Variants in CSMD1 observed in about 807,000 individuals in gnomAD.
CSMD1 encodes CUB and Sushi multiple domains 1, also known as CUB and sushi domain-containing protein 1.
Under a neutral mutation model 417.5 loss-of-function variants are expected in CSMD1, and 213 were observed. The observed-to-expected ratio is 0.51, with a 90% confidence interval of 0.46 to 0.57. CSMD1 has a LOEUF of 0.57. Among genes scored for constraint, CSMD1 ranks in the 20% least tolerant of loss-of-function variants. The pLI is 0.00. For missense variants in CSMD1, 6,923 were observed against 4,529.7 expected (o/e 1.53, Z -15.17); for synonymous variants, 2,862 against 1,736.8 (o/e 1.65, Z -16.11).
At chr8:3,091,953 ATTG>A (rs968694655) in intron 47 of CSMD1, among the ~76,000 whole-genome samples, 2 of 152,194 alleles carry the variant, frequency 1.3e-5, no homozygotes, top group Admixed American at 1.3e-4. Flanking sequence ...AGTAATATGT[ATTG>A]TTGTTAGTAT....
chr8:4,905,958 T>G (rs558227093), intron 1 of CSMD1, among the ~76,000 whole-genome samples: 2 of 152,190 alleles, frequency 1.3e-5, no homozygotes, highest in Non-Finnish European at 2.9e-5. Flanking sequence ...CCCCATTCAT[T>G]CTTCCTGCCT....
At chr8:4,930,705 G>C (rs1469763980) in intron 1 of CSMD1, among the ~76,000 whole-genome samples, 1 of 152,082 alleles carries the variant, frequency 6.6e-6, no homozygotes, top group African/African-American at 2.4e-5. Context: ...TTATATTGTG[G>C]ATAATACCAT....
Position 4,097,674 on chromosome 8 carries a change from A to G in CSMD1, c.416-65575T>C, listed in dbSNP as rs1371356888. 2.6e-5 allele frequency among the ~76,000 whole-genome samples: 4 copies of G among 152,212 alleles called. No homozygotes were observed. The South Asian group carries it at 8.3e-4, about 32-fold the overall frequency. On this transcript the variant is annotated intron_variant, in intron 3 of 69. Transcript: ENST00000635120. ...ACTTTAAAAGATGTTCTTGTTTAAGACAGTGAATTTTAGCCCTTGGAATTC... is the reference window on the plus strand; with the variant it reads ...ACTTTAAAAGATGTTCTTGTTTAAGGCAGTGAATTTTAGCCCTTGGAATTC...
intron 3 of CSMD1, among the ~76,000 whole-genome samples, chr8:4,399,496 A>C (rs1253380236): frequency 1.3e-5 from 2 of 152,160 alleles, no homozygotes; most frequent in African/African-American, 4.8e-5. Context: ...GCTTAAGTTC[A>C]ATGTCCTTAG....
rs559122971 is a variant in CSMD1, at chr8:3,255,171, G to C, written c.4154-24940C>G. On this transcript the variant is annotated intron_variant, in intron 26 of 69. Coordinates refer to ENST00000635120, the MANE Select transcript of CSMD1 (RefSeq NM_033225.6). ...ATTTGCCTGGGTATCAGTAGCAGAG[G>C]CTGCAGAGCAGTGGATATTGGTGAA... is the stretch of plus-strand genomic sequence containing the variant. Among the ~76,000 whole-genome samples, 7 of 152,302 alleles carry C rather than the reference G, an allele frequency of 4.6e-5. No homozygotes were observed. The East Asian group carries it at 1.4e-3, about 29-fold the overall frequency.
chr8:3,404,351 AAAAAAT>A (rs1395416702), intron 15 of CSMD1, among the ~76,000 whole-genome samples: 3 of 102,222 alleles, frequency 2.9e-5, no homozygotes, highest in African/African-American at 3.5e-5. Context: ...AAAAAAAAAA[AAAAAAT>A]TGCGTTTCTA....
chr8:4,778,883 C>A (rs1308636397), intron 1 of CSMD1, among the ~76,000 whole-genome samples: 1 of 152,060 alleles, frequency 6.6e-6, no homozygotes, highest in Non-Finnish European at 1.5e-5. Flanking sequence ...GTAGTTAGGA[C>A]AAAAGAATAA....
intron 3 of CSMD1, among the ~76,000 whole-genome samples, chr8:4,172,627 T>A (rs2131142722): frequency 6.6e-6 from 1 of 152,290 alleles, no homozygotes; most frequent in South Asian, 2.1e-4. Context: ...ACCCTCCTGG[T>A]ATTTATGAAC....
chr8:3,262,549 AG>A lies in CSMD1; in HGVS notation c.4153+21594del, dbSNP rs1206464107. On this transcript the variant is annotated intron_variant, in intron 26 of 69. Transcript: ENST00000635120. ...TACTTCGGGCCAAATGAAAAAAAAAAGAAAAAGAAAAAATCAAAGGACAAAG... is the reference window on the plus strand; with the variant it reads ...TACTTCGGGCCAAATGAAAAAAAAAAAAAAAGAAAAAATCAAAGGACAAAG... Among the ~76,000 whole-genome samples the A allele has an allele frequency of 3.3e-5, 5 of 152,042 alleles. No homozygotes were observed. In the East Asian group the frequency reaches 9.7e-4, roughly 29 times the overall value.
intron 5 of CSMD1, among the ~76,000 whole-genome samples, chr8:3,883,897 A>T (rs1333804482): frequency 6.6e-6 from 1 of 152,152 alleles, no homozygotes; most frequent in African/African-American, 2.4e-5. Context: ...GTATTTAAAT[A>T]TAAATTAAAT....
intron 2 of CSMD1, among the ~76,000 whole-genome samples, chr8:4,433,073 T>C (rs977241040): frequency 3.3e-5 from 5 of 152,164 alleles, no homozygotes; most frequent in African/African-American, 9.7e-5. Context: ...TTTATAACTA[T>C]CCAATGCCTG....
chr8:3,220,261 C>A (rs1224732061), intron 28 of CSMD1, among the ~76,000 whole-genome samples: 1 of 141,146 alleles, frequency 7.1e-6, no homozygotes, highest in African/African-American at 2.6e-5. Context: ...ACTGAATATC[C>A]CAGTTTTTTT....
intron 3 of CSMD1, among the ~76,000 whole-genome samples, chr8:4,305,309 C>G (rs1242309834): frequency 6.6e-6 from 1 of 152,088 alleles, no homozygotes; most frequent in Non-Finnish European, 1.5e-5. Flanking sequence ...AGGAGAGAGT[C>G]AGGCCGCCAC....
At chr8:3,939,403 C>T (rs957436174) in intron 5 of CSMD1, among the ~76,000 whole-genome samples, 1 of 152,114 alleles carries the variant, frequency 6.6e-6, no homozygotes, top group Non-Finnish European at 1.5e-5. Context: ...CACTTTTACA[C>T]TACTGGTGTG....
At chr8:4,762,023 T>C (rs1812142455) in intron 1 of CSMD1, among the ~76,000 whole-genome samples, 1 of 152,018 alleles carries the variant, frequency 6.6e-6, no homozygotes, top group Admixed American at 6.6e-5. Flanking sequence ...CAACTTTTAA[T>C]ATATTAAGAC....
At chr8:3,770,735 C>T (rs1798521469) in intron 5 of CSMD1, among the ~76,000 whole-genome samples, 1 of 152,078 alleles carries the variant, frequency 6.6e-6, no homozygotes, top group Non-Finnish European at 1.5e-5. Context: ...CTCTCTTTCC[C>T]TTCCATTGCC....
chr8:3,291,613 T>C (rs951378766), intron 25 of CSMD1, among the ~76,000 whole-genome samples: 4 of 152,224 alleles, frequency 2.6e-5, no homozygotes, highest in African/African-American at 9.6e-5. Flanking sequence ...TTTATTTGCA[T>C]AGAGGTGTTT....
intron 5 of CSMD1, among the ~76,000 whole-genome samples, chr8:3,833,231 C>A (rs751651419): frequency 9.9e-5 from 15 of 152,068 alleles, no homozygotes; most frequent in Non-Finnish European, 1.8e-4. Context: ...TACTGTAATT[C>A]TAACCATATT....
intron 2 of CSMD1, among the ~76,000 whole-genome samples, chr8:4,466,787 G>A (rs557951520): frequency 1.3e-5 from 2 of 152,096 alleles, no homozygotes; most frequent in Admixed American, 6.6e-5. Context: ...ACCACCAACT[G>A]AAATCCATAG....
Sources: gnomAD v4.1 joint callset for allele counts (sites outside exome capture counted in the v4.1 genomes callset) on GRCh38, gnomAD v4.1.1 for gene constraint, MANE v1.5 for transcripts, NCBI Gene and HGNC (gene_info 2026-07-23, HGNC 2026-07-21) for gene names.